Variants in AAK1 observed in about 807,000 individuals in gnomAD.
AAK1 encodes AP2 associated kinase 1.
AAK1 carries 37 observed loss-of-function variants against 116.0 expected under a neutral mutation model. The observed-to-expected ratio is 0.32, with a 90% CI of 0.25 to 0.42. The LOEUF (loss-of-function observed/expected upper bound fraction) is 0.42, where lower values mean the gene tolerates loss of function less well. Ranked by LOEUF, AAK1 falls within the 10% of genes least tolerant of loss-of-function variation. The probability of loss-of-function intolerance (pLI) is 1.00; values close to 1 mark genes in which losing one functional copy is unlikely to be tolerated. For missense variants in AAK1, 919 were observed against 1,170.6 expected, an observed-to-expected ratio of 0.79 and a Z score of 3.14; for synonymous variants, 458 against 439.9, an observed-to-expected ratio of 1.04 and a Z score of -0.51.
chr2:69,643,099 T>TC lies in AAK1; in HGVS notation c.-60_-59insG, dbSNP rs1675820927. On this transcript the variant is annotated 5_prime_UTR_variant, in exon 2 of 22. Coordinates refer to ENST00000409085, the MANE Select transcript of AAK1 (RefSeq NM_014911.5). ...ATGGTTTCTAGATTTTTTTTTTTTT[T>TC]TTTTTTTTTTAAGAAAAGAGATCCA... 1.4e-5 allele frequency: 20 copies of TC among 1,452,220 alleles called. No homozygotes were observed. The highest frequency in any genetic ancestry group is 2.5e-4 in the Middle Eastern group (1 of 4,030). The allele number at this position is 1,452,220 out of a possible 1,614,324, so 90.0% of individuals were successfully genotyped here.
rs1674576893 is a variant in AAK1 at position 69,468,763 on chromosome 2, AG to A, written c.*7105del. 1.5e-5 allele frequency: 15 copies of A among 985,442 alleles called. No homozygotes were observed. Among genetic ancestry groups the A allele is most frequent in the Non-Finnish European group, 1.8e-5 (15 of 829,932 alleles). The allele number at this position is 985,442 out of a possible 1,614,324, so 61.0% of individuals were successfully genotyped here. A position where few individuals can be genotyped will look rare whatever the true frequency, so the allele number is the denominator to read the frequency against. The stretch of plus-strand genomic sequence containing the variant: ...AGTGCTAGATTACATTTTGAGAACT[AG>A]GAAGTACCAAGGGGTGTGTGTATGT... On this transcript the variant is annotated 3_prime_UTR_variant, in exon 22 of 22. Transcript: ENST00000409085.
In AAK1 at chr2:69,489,564, G is replaced by A. The variant is rs372837620; in HGVS notation, c.2365+6421C>T. On this transcript the variant is annotated intron_variant, in intron 17 of 21. Coordinates refer to ENST00000409085, the MANE Select transcript of AAK1 (RefSeq NM_014911.5). ...GGAATATGAGCAGGAGGAGTAGAAC[G>A]GCAGGACTCACAGACATGGAAGGGC... 1.7e-4 allele frequency among the ~76,000 whole-genome samples: 26 copies of A among 152,056 alleles called. No individual in the cohort carries two copies. The East Asian group carries it at 1.7e-3, about 10-fold the overall frequency.
At chr2:69,625,348 A>G (rs1187905826) in intron 2 of AAK1, among the ~76,000 whole-genome samples, 1 of 152,228 alleles carries the variant, frequency 6.6e-6, no homozygotes, top group Non-Finnish European at 1.5e-5. Context: ...AAGCACAAAC[A>G]TGAAATTCAA....
intron 6 of AAK1, chr2:69,531,595 A>G (rs1475636208): frequency 1.5e-5 from 15 of 988,060 alleles, no homozygotes; most frequent in Non-Finnish European, 1.8e-5. Flanking sequence ...TTAATAACCT[A>G]CTCACCATTA....
chr2:69,578,630 C>T (rs1672414039), intron 2 of AAK1, among the ~76,000 whole-genome samples: 1 of 152,154 alleles, frequency 6.6e-6, no homozygotes, highest in South Asian at 2.1e-4. Flanking sequence ...TTTACATTCC[C>T]TGCTCTCCTC....
chr2:69,626,701 T>C (rs1674918190), intron 2 of AAK1, among the ~76,000 whole-genome samples: 1 of 145,326 alleles, frequency 6.9e-6, no homozygotes, highest in Non-Finnish European at 1.5e-5. Flanking sequence ...GGTTTTGCCA[T>C]GTTGCCCAGA....
chr2:69,536,702 T>C (rs1158330381), intron 5 of AAK1, among the ~76,000 whole-genome samples: 1 of 152,242 alleles, frequency 6.6e-6, no homozygotes, highest in Non-Finnish European at 1.5e-5. Context: ...TGTCAAACTC[T>C]GCTTACAGCT....
intron 2 of AAK1, among the ~76,000 whole-genome samples, chr2:69,595,556 T>C (rs763162992): frequency 2.4e-4 from 37 of 152,210 alleles, no homozygotes; most frequent in Non-Finnish European, 4.4e-4. Context: ...CTCAATTCTA[T>C]GAAGGCTGGG....
intron 13 of AAK1, among the ~76,000 whole-genome samples, chr2:69,511,549 T>G (rs1020714372): frequency 6.6e-6 from 1 of 152,052 alleles, no homozygotes; most frequent in South Asian, 2.1e-4. Context: ...CTACCACACA[T>G]AGGGGTCAGA....
intron 3 of AAK1, among the ~76,000 whole-genome samples, chr2:69,547,076 G>A (rs1196718184): frequency 2.0e-5 from 3 of 152,134 alleles, no homozygotes; most frequent in Non-Finnish European, 4.4e-5. Context: ...TAAAAGTAGT[G>A]CTGGGACAAG....
chr2:69,615,429 G>C (rs1674281023), intron 2 of AAK1, among the ~76,000 whole-genome samples: 1 of 152,168 alleles, frequency 6.6e-6, no homozygotes, highest in South Asian at 2.1e-4. Flanking sequence ...TGACTCAAAA[G>C]ATAAAGACAG....
At chr2:69,559,154 A>G (rs1235995589) in intron 2 of AAK1, among the ~76,000 whole-genome samples, 1 of 152,120 alleles carries the variant, frequency 6.6e-6, no homozygotes, top group Non-Finnish European at 1.5e-5. Context: ...AATTTATCAT[A>G]TAATCTTTAA....
At chr2:69,620,297 T>C (rs1674542925) in intron 2 of AAK1, among the ~76,000 whole-genome samples, 1 of 152,228 alleles carries the variant, frequency 6.6e-6, no homozygotes, top group Admixed American at 6.5e-5. Context: ...CATTCCCTCC[T>C]GTCTCCTCTG....
Position 69,467,487 on chromosome 2 carries a change from T to A in AAK1, c.*8382A>T. 1 of 985,356 alleles carries A rather than the reference T, an allele frequency of 1.0e-6. No individual in the cohort carries two copies. The highest frequency in any genetic ancestry group is 1.2e-6 in the Non-Finnish European group (1 of 829,914). The allele number at this position is 985,356 out of a possible 1,614,324, so 61.0% of individuals were successfully genotyped here. A position where few individuals can be genotyped will look rare whatever the true frequency, so the allele number is the denominator to read the frequency against. ...TTAGCAAGAGGGCAGGAAAAAGGCA[T>A]ATGTAACTAAGCAAGAAGAATCCAG... On this transcript the variant is annotated 3_prime_UTR_variant, in exon 22 of 22. Transcript: ENST00000409085.
chr2:69,637,700 C>CT, intron 2 of AAK1, among the ~76,000 whole-genome samples: 1 of 152,254 alleles, frequency 6.6e-6, no homozygotes, highest in South Asian at 2.1e-4. Context: ...GAAGGTGGTA[C>CT]TAGTCCCCTT....
At position 69,575,465 on chromosome 2, in the gene AAK1, T is replaced by A. The variant is rs796988866; in HGVS notation, c.164-18487A>T. On this transcript the variant is annotated intron_variant, in intron 2 of 21. Coordinates refer to ENST00000409085, the MANE Select transcript of AAK1 (RefSeq NM_014911.5). ...GCAAATAAAATCCAAGATAAACAAA[T>A]TTTTTTTTTTTTTTTTTTTTTGAGA... Among the ~76,000 whole-genome samples, 1,041 of 125,400 alleles carry A rather than the reference T, an allele frequency of 8.3e-3. 7 individuals are homozygous for A. Among genetic ancestry groups the A allele is most frequent in the African/African-American group, 0.031 (998 of 31,886 alleles). 82.3% of individuals were successfully genotyped at this position (125,400 alleles called of 152,430 possible). A position where few individuals can be genotyped will look rare whatever the true frequency, so the allele number is the denominator to read the frequency against.
chr2:69,601,738 T>G (rs1673588749), intron 2 of AAK1, among the ~76,000 whole-genome samples: 1 of 152,220 alleles, frequency 6.6e-6, no homozygotes, highest in African/African-American at 2.4e-5. Flanking sequence ...TGGCTTCATT[T>G]TAGCTCCAAG....
At chr2:69,556,217 T>C (rs1671380529) in intron 3 of AAK1, among the ~76,000 whole-genome samples, 1 of 152,144 alleles carries the variant, frequency 6.6e-6, no homozygotes, top group African/African-American at 2.4e-5. Context: ...TTCCACGGCC[T>C]AGAAAGTCCC....
chr2:69,632,702 T>G (rs1395058727), intron 2 of AAK1, among the ~76,000 whole-genome samples: 6 of 151,866 alleles, frequency 4.0e-5, no homozygotes, highest in African/African-American at 1.5e-4. Context: ...ATCGAGACCA[T>G]CCTGGCTAAC....
Sources: allele counts gnomAD v4.1 joint callset (sites outside exome capture counted in the v4.1 genomes callset), GRCh38; gene constraint gnomAD v4.1.1; transcripts MANE v1.5; gene names NCBI Gene and HGNC (gene_info 2026-07-23, HGNC 2026-07-21).